PRELID2: variants seen among roughly 807,000 people sequenced by gnomAD.
PRELID2 encodes the protein PRELI domain containing 2.
Under a neutral mutation model 28.4 loss-of-function variants are expected in PRELID2, and 25 were observed. The observed-to-expected ratio is 0.88, with a 90% CI of 0.64 to 1.23. The LOEUF (loss-of-function observed/expected upper bound fraction) is 1.23, where lower values mean the gene tolerates loss of function less well. PRELID2 is among the 50% of genes most tolerant of loss of function. PRELID2 has a pLI of 0.00. For missense variants in PRELID2, 201 were observed against 214.4 expected, an observed-to-expected ratio of 0.94 and a Z score of 0.39; for synonymous variants, 76 against 71.6, an observed-to-expected ratio of 1.06 and a Z score of -0.31.
the PRELID2 span, among the ~76,000 whole-genome samples, chr5:145,246,851 T>G: frequency 6.6e-6 from 1 of 152,136 alleles, no homozygotes; most frequent in Non-Finnish European, 1.5e-5. Context: ...GGGAAGAAAT[T>G]TAGTGTATGG....
At chr5:145,639,995 T>C (rs1470704041) in intron 1 of PRELID2, among the ~76,000 whole-genome samples, 1 of 152,146 alleles carries the variant, frequency 6.6e-6, no homozygotes, top group Non-Finnish European at 1.5e-5. Context: ...CTATTGTCTC[T>C]TAGCTTTAAG....
chr5:145,310,658 G>T, the PRELID2 span, among the ~76,000 whole-genome samples: 2 of 152,110 alleles, frequency 1.3e-5, no homozygotes, highest in East Asian at 1.9e-4. Context: ...TCACCCAAAG[G>T]TTAATTCATC....
the PRELID2 span, among the ~76,000 whole-genome samples, chr5:145,432,251 T>C: frequency 6.6e-6 from 1 of 152,052 alleles, no homozygotes; most frequent in African/African-American, 2.4e-5. Context: ...TTATGCAAGA[T>C]TGACAATTGA....
intron 6 of PRELID2, among the ~76,000 whole-genome samples, chr5:145,763,324 G>T (rs1203524974): frequency 6.6e-6 from 1 of 152,182 alleles, no homozygotes; most frequent in Non-Finnish European, 1.5e-5. Context: ...ATTTTTTAAG[G>T]AACAGGGTGG....
At chr5:145,823,225 A>G in intron 1 of PRELID2, 91 bp from the exon 2 acceptor site, 1 of 615,302 alleles carries the variant, frequency 1.6e-6, no homozygotes, top group South Asian at 2.4e-5. Flanking sequence ...AGGACTAGTA[A>G]ATATTTTCCA....
chr5:145,327,370 T>C, the PRELID2 span, among the ~76,000 whole-genome samples: 1 of 152,108 alleles, frequency 6.6e-6, no homozygotes, highest in Non-Finnish European at 1.5e-5. Flanking sequence ...TATTATATAA[T>C]GACCTCTTTT....
chr5:145,310,223 G>A, the PRELID2 span, among the ~76,000 whole-genome samples: 1 of 152,128 alleles, frequency 6.6e-6, no homozygotes, highest in Non-Finnish European at 1.5e-5. Flanking sequence ...TTTCTTTGGG[G>A]CAAATATAGT....
intron 1 of PRELID2, among the ~76,000 whole-genome samples, chr5:145,650,295 G>A (rs1038283121): frequency 1.3e-5 from 2 of 151,856 alleles, no homozygotes; most frequent in Admixed American, 6.6e-5. Context: ...TCAAGGAGAC[G>A]AGTAGCACTG....
At chr5:145,777,822 G>T (rs932011457) in intron 5 of PRELID2, among the ~76,000 whole-genome samples, 2 of 152,124 alleles carry the variant, frequency 1.3e-5, no homozygotes. Context: ...TGGGGGCCAG[G>T]GGGTGGGAAG....
At chr5:145,477,107 G>A (rs939255661) in intron 1 of PRELID2, among the ~76,000 whole-genome samples, 1 of 152,126 alleles carries the variant, frequency 6.6e-6, no homozygotes, top group African/African-American at 2.4e-5. Context: ...TTCATGGCAA[G>A]TGGTAGAAAC....
rs868047320 is a variant in PRELID2, at chr5:145,747,618, T to G, written n.70+17313A>C. On this transcript the variant is annotated intron_variant and non_coding_transcript_variant, in intron 1 of 2. Coordinates refer to the PRELID2 transcript ENST00000510259. ...AGGTACAAAGAGGAGCTGGTACCATTCCTTCTGAAAATATTCCAAACAATA... is the reference window on the plus strand; with the variant it reads ...AGGTACAAAGAGGAGCTGGTACCATGCCTTCTGAAAATATTCCAAACAATA... Among the ~76,000 whole-genome samples the G allele has an allele frequency of 3.8e-5, 3 of 78,454 alleles. 1 individual carries two copies. The South Asian group carries it at 1.2e-3, about 32-fold the overall frequency. 51.5% of individuals were successfully genotyped at this position (78,454 alleles called of 152,430 possible). A position where few individuals can be genotyped will look rare whatever the true frequency, so the allele number is the denominator to read the frequency against.
At chr5:145,709,986 T>C (rs1755650378) in intron 1 of PRELID2, among the ~76,000 whole-genome samples, 1 of 152,116 alleles carries the variant, frequency 6.6e-6, no homozygotes, top group Non-Finnish European at 1.5e-5. Context: ...TTTAAATCTA[T>C]TTATGGGGTT....
At chr5:145,669,741 A>G (rs545787605) in intron 1 of PRELID2, among the ~76,000 whole-genome samples, 158 of 152,202 alleles carry the variant, frequency 1.0e-3, no homozygotes, top group Non-Finnish European at 2.0e-3. Context: ...CTCTGGCCAC[A>G]TTGGCTTCTT....
At chr5:145,718,230 A>T (rs1755893236) in intron 1 of PRELID2, among the ~76,000 whole-genome samples, 2 of 152,124 alleles carry the variant, frequency 1.3e-5, no homozygotes, top group African/African-American at 4.8e-5. Flanking sequence ...CTTAGCAATG[A>T]TGCTGATATA....
intron 1 of PRELID2, among the ~76,000 whole-genome samples, chr5:145,724,750 T>TTTTA (rs1554086424): frequency 1.4e-5 from 2 of 141,844 alleles, no homozygotes; most frequent in African/African-American, 5.2e-5. Flanking sequence ...ATATTATATA[T>TTTTA]TATATATATA....
At chr5:145,811,311 AG>A (rs1753923450) in intron 4 of PRELID2, among the ~76,000 whole-genome samples, 1 of 152,020 alleles carries the variant, frequency 6.6e-6, no homozygotes, top group African/African-American at 2.4e-5. Context: ...AAACCATATC[AG>A]GGGTCTTGCT....
chr5:145,428,668 G>A, the PRELID2 span, among the ~76,000 whole-genome samples: 7 of 152,036 alleles, frequency 4.6e-5, no homozygotes, highest in African/African-American at 1.7e-4. Context: ...ATGTACCCTA[G>A]AACTTAAAAT....
intron 1 of PRELID2, among the ~76,000 whole-genome samples, chr5:145,558,655 T>A (rs1453084002): frequency 6.6e-6 from 1 of 152,176 alleles, no homozygotes; most frequent in East Asian, 1.9e-4. Context: ...GAGCTACTCT[T>A]CCATAAAGCA....
At chr5:145,318,902 G>A in the PRELID2 span, among the ~76,000 whole-genome samples, 1 of 152,168 alleles carries the variant, frequency 6.6e-6, no homozygotes, top group Non-Finnish European at 1.5e-5. Flanking sequence ...TTGCTGGATG[G>A]AGGTGGCTCT....
Sources: allele counts gnomAD v4.1 joint callset (sites outside exome capture counted in the v4.1 genomes callset), GRCh38; gene constraint gnomAD v4.1.1; transcripts MANE v1.5; gene names NCBI Gene and HGNC (gene_info 2026-07-23, HGNC 2026-07-21).